Variants in FAM117A observed in about 807,000 individuals in gnomAD.
The protein encoded by FAM117A is family with sequence similarity 117 member A.
FAM117A carries 21 observed loss-of-function variants against 44.1 expected under a neutral mutation model. The ratio of observed to expected loss-of-function variants is 0.48; its 90% CI spans 0.34 to 0.69. The LOEUF (loss-of-function observed/expected upper bound fraction) is 0.69, where lower values mean the gene tolerates loss of function less well. Among genes scored for constraint, FAM117A ranks in the 30% least tolerant of loss-of-function variants. The pLI, the probability that FAM117A is intolerant of heterozygous loss-of-function variation, is 0.01. For missense variants in FAM117A, 498 were observed against 589.9 expected, an observed-to-expected ratio of 0.84 and a Z score of 1.61; for synonymous variants, 220 against 238.3, an observed-to-expected ratio of 0.92 and a Z score of 0.71.
intron 1 of FAM117A, among the ~76,000 whole-genome samples, chr17:49,754,156 T>C (rs1208373144): frequency 6.6e-6 from 1 of 150,866 alleles, no homozygotes; most frequent in Non-Finnish European, 1.5e-5. Flanking sequence ...TCATATCTGA[T>C]GGGCAGGAGT....
chr17:49,783,548 C>A (rs545514174), intron 1 of FAM117A, among the ~76,000 whole-genome samples: 38 of 146,636 alleles, frequency 2.6e-4, no homozygotes, highest in Non-Finnish European at 4.6e-4. Flanking sequence ...GGTGGGGCTG[C>A]GGGTGGGGGC....
chr17:49,733,607 A>G (rs2073596480), intron 1 of FAM117A, among the ~76,000 whole-genome samples: 1 of 151,958 alleles, frequency 6.6e-6, no homozygotes, highest in African/African-American at 2.4e-5. Flanking sequence ...TGGGAGGTGG[A>G]GGCTGCAGTG....
chr17:49,732,860 A>G lies in FAM117A; in HGVS notation c.197-140T>C, dbSNP rs1176574051. 1.1e-5 allele frequency: 9 copies of G among 842,440 alleles called. No individual in the cohort carries two copies. In the East Asian group the frequency reaches 2.4e-4, roughly 23 times the overall value. The allele number at this position is 842,440 out of a possible 1,614,324, so 52.2% of individuals were successfully genotyped here. A position where few individuals can be genotyped will look rare whatever the true frequency, so the allele number is the denominator to read the frequency against. On this transcript the variant is annotated intron_variant, in intron 1 of 7. Coordinates refer to ENST00000240364, the MANE Select transcript of FAM117A (RefSeq NM_030802.4). ...CCACTGTCCTAAAAGAATTTGAAGCAGCCTGAAACAGCACATATGGTCTGA... is the reference window on the plus strand; with the variant it reads ...CCACTGTCCTAAAAGAATTTGAAGCGGCCTGAAACAGCACATATGGTCTGA...
chr17:49,763,349 A>T (rs912326211), intron 1 of FAM117A, among the ~76,000 whole-genome samples: 1 of 152,042 alleles, frequency 6.6e-6, no homozygotes, highest in Non-Finnish European at 1.5e-5. Flanking sequence ...GCATAAAGGG[A>T]AGCGCACGTG....
chr17:49,772,760 A>C (rs2073764890), intron 1 of FAM117A, among the ~76,000 whole-genome samples: 1 of 152,138 alleles, frequency 6.6e-6, no homozygotes, highest in South Asian at 2.1e-4. Context: ...AAAAAAAAAA[A>C]TCCAGTTCAA....
chr17:49,767,850 C>A (rs1029995113), upstream of FAM117A, among the ~76,000 whole-genome samples: 2 of 151,958 alleles, frequency 1.3e-5, no homozygotes, highest in African/African-American at 4.8e-5. Context: ...CTGCAGTGAA[C>A]CAAGATTGCA....
intron 1 of FAM117A, among the ~76,000 whole-genome samples, chr17:49,744,658 A>C (rs914374124): frequency 6.6e-6 from 1 of 151,790 alleles, no homozygotes; most frequent in Non-Finnish European, 1.5e-5. Flanking sequence ...ATTACTTATA[A>C]TACCTAATAT....
chr17:49,738,421 G>A (rs529850329), intron 1 of FAM117A, among the ~76,000 whole-genome samples: 6 of 152,214 alleles, frequency 3.9e-5, no homozygotes, highest in Admixed American at 6.5e-5. Flanking sequence ...ATAAAAAGGG[G>A]AAAAAAGGAG....
upstream of FAM117A, among the ~76,000 whole-genome samples, chr17:49,768,931 A>G (rs982752081): frequency 2.0e-5 from 3 of 151,920 alleles, no homozygotes; most frequent in Admixed American, 6.6e-5. Context: ...ACTGGCTGAC[A>G]TTCACCCCTT....
intron 6 of FAM117A, among the ~76,000 whole-genome samples, chr17:49,717,046 T>C (rs1378271572): frequency 3.9e-5 from 6 of 152,130 alleles, no homozygotes; most frequent in Admixed American, 1.3e-4. Flanking sequence ...AGCTAGGGCA[T>C]TGTAGAAAAT....
intron 1 of FAM117A, among the ~76,000 whole-genome samples, chr17:49,758,573 G>A (rs1262205069): frequency 6.7e-6 from 1 of 149,450 alleles, no homozygotes; most frequent in African/African-American, 2.5e-5. Context: ...GCAGTGAGCC[G>A]AGATCGTGCC....
At chr17:49,764,639 C>T (rs982123413), upstream of FAM117A, among the ~76,000 whole-genome samples, 3 of 152,110 alleles carry the variant, frequency 2.0e-5, no homozygotes, top group African/African-American at 7.2e-5. Context: ...TTAATTTAAC[C>T]TAAAAAACAT....
At chr17:49,758,637 T>TA (rs1162296103) in intron 1 of FAM117A, among the ~76,000 whole-genome samples, 3 of 96,836 alleles carry the variant, frequency 3.1e-5, no homozygotes, top group Admixed American at 2.4e-4. Context: ...AAAAAAAAAA[T>TA]AAAATAAATA....
chr17:49,754,026 G>A (rs2073687717), intron 1 of FAM117A, among the ~76,000 whole-genome samples: 1 of 152,172 alleles, frequency 6.6e-6, no homozygotes, highest in Non-Finnish European at 1.5e-5. Flanking sequence ...GGTTCACATA[G>A]CCCTTCTCTC....
intron 2 of FAM117A, 43 bp downstream of exon 2, chr17:49,732,508 C>T (rs1567829528): frequency 1.2e-6 from 2 of 1,602,310 alleles, no homozygotes; most frequent in Non-Finnish European, 1.7e-6. Flanking sequence ...AGCTCTCCCG[C>T]CCCATCCTTA....
chr17:49,764,083 G>T lies in FAM117A; in HGVS notation c.5C>A (p.Ala2Glu). M[A>E]GAAAGGRGGG... ...GCCTCTGCCGCCCGCTGCGGCCCCC[G>T]CCATGGCTCTCCCGGCTGCCTGCCT... is the stretch of plus-strand genomic sequence containing the variant. The change falls in exon 1 of 8, where the codon GCG becomes GAG. Residue 2 changes from alanine to glutamate, a missense_variant. Coordinates refer to ENST00000240364, the MANE Select transcript of FAM117A (RefSeq NM_030802.4). The T allele has an allele frequency of 1.8e-6, 2 of 1,099,786 alleles. No homozygotes were observed. Among genetic ancestry groups the T allele is most frequent in the Non-Finnish European group, 2.2e-6 (2 of 898,472 alleles). 68.1% of individuals were successfully genotyped at this position (1,099,786 alleles called of 1,614,324 possible).
chr17:49,746,718 G>A (rs1428800439), intron 1 of FAM117A, among the ~76,000 whole-genome samples: 1 of 152,144 alleles, frequency 6.6e-6, no homozygotes, highest in East Asian at 1.9e-4. Context: ...CTCTTCAAAA[G>A]GAATGCAGAA....
At chr17:49,741,493 C>A (rs1001296710) in intron 1 of FAM117A, among the ~76,000 whole-genome samples, 2 of 152,154 alleles carry the variant, frequency 1.3e-5, no homozygotes, top group African/African-American at 2.4e-5. Context: ...AAAATGAGGT[C>A]ATATTATACA....
intron 2 of FAM117A, among the ~76,000 whole-genome samples, chr17:49,722,799 C>T (rs1290924368): frequency 6.6e-6 from 1 of 152,140 alleles, no homozygotes; most frequent in African/African-American, 2.4e-5. Flanking sequence ...GCAAACATTC[C>T]CTGATGACCC....
Sources: gnomAD v4.1 joint callset for allele counts (sites outside exome capture counted in the v4.1 genomes callset) on GRCh38, gnomAD v4.1.1 for gene constraint, MANE v1.5 for transcripts, NCBI Gene and HGNC (gene_info 2026-07-23, HGNC 2026-07-21) for gene names.